PICALM: variants seen among roughly 807,000 people sequenced by gnomAD.
PICALM encodes the protein phosphatidylinositol binding clathrin assembly protein.
PICALM carries 40 observed loss-of-function variants against 80.5 expected under a neutral mutation model. The observed-to-expected ratio is 0.50, with a 90% CI of 0.39 to 0.65. The LOEUF (loss-of-function observed/expected upper bound fraction) is 0.65. PICALM is among the 30% of genes least tolerant of loss of function. The pLI is 0.00. For missense variants in PICALM, 676 were observed against 778.9 expected, an observed-to-expected ratio of 0.87 and a Z score of 1.57; for synonymous variants, 288 against 260.3, an observed-to-expected ratio of 1.11 and a Z score of -1.02.
intron 1 of PICALM, among the ~76,000 whole-genome samples, chr11:86,034,127 A>T (rs1364574092): frequency 1.3e-5 from 2 of 152,192 alleles, no homozygotes; most frequent in Admixed American, 6.5e-5. Context: ...CTTCACACAT[A>T]ATAAAACAGG....
At chr11:86,004,431 G>A (rs2095232510) in intron 8 of PICALM, among the ~76,000 whole-genome samples, 1 of 151,982 alleles carries the variant, frequency 6.6e-6, no homozygotes, top group African/African-American at 2.4e-5. Context: ...TAAGGATTGG[G>A]GAAATAGAAT....
rs2095579147 is a variant in PICALM, at chr11:86,022,356, G to A, written c.452+11C>T. On this transcript the variant is annotated intron_variant, in intron 4 of 19. Coordinates refer to ENST00000393346, the MANE Select transcript of PICALM (RefSeq NM_007166.4). Reference sequence around the variant, plus strand: ...TCAAATCAATTAGATGTCAAAAAAAGCTTAACTCACCCTCTCTTCACTTTT... The same window carrying A: ...TCAAATCAATTAGATGTCAAAAAAAACTTAACTCACCCTCTCTTCACTTTT... 2.1e-6 allele frequency: 3 copies of A among 1,428,724 alleles called. No homozygotes were observed. The highest frequency in any genetic ancestry group is 2.9e-6 in the Non-Finnish European group (3 of 1,035,026). 88.5% of individuals were successfully genotyped at this position (1,428,724 alleles called of 1,614,324 possible).
chr11:86,061,197 T>C (rs1378824239), intron 1 of PICALM, among the ~76,000 whole-genome samples: 1 of 151,222 alleles, frequency 6.6e-6, no homozygotes, highest in East Asian at 1.9e-4. Flanking sequence ...GGCATGATGG[T>C]AGACACCTGT....
chr11:85,995,220 G>A lies in PICALM; in HGVS notation c.1258+1606C>T, dbSNP rs183509075. On this transcript the variant is annotated intron_variant, in intron 12 of 19. Coordinates refer to ENST00000393346, the MANE Select transcript of PICALM (RefSeq NM_007166.4). ...CCAAATATCCTTATATGAAAGTTAA[G>A]ACAGGATTTAATTCTGATTAATTTA... is the stretch of plus-strand genomic sequence containing the variant. Among the ~76,000 whole-genome samples the A allele has an allele frequency of 3.8e-3, 581 of 152,238 alleles. 4 individuals carry two copies. Among genetic ancestry groups the A allele is most frequent in the African/African-American group, 0.013 (553 of 41,542 alleles).
At chr11:86,010,341 T>A (rs2095370379) in intron 7 of PICALM, among the ~76,000 whole-genome samples, 1 of 152,032 alleles carries the variant, frequency 6.6e-6, no homozygotes, top group East Asian at 1.9e-4. Context: ...TTTTTTTTTT[T>A]TTTGAGATAG....
chr11:86,023,691 G>C (rs745509170), intron 3 of PICALM: 30 of 407,210 alleles, frequency 7.4e-5, no homozygotes, highest in Non-Finnish European at 9.9e-5. Context: ...TCTGCATCTT[G>C]TTTTCCATAG....
At chr11:86,044,376 A>G (rs2096030844) in intron 1 of PICALM, among the ~76,000 whole-genome samples, 1 of 152,212 alleles carries the variant, frequency 6.6e-6, no homozygotes, top group African/African-American at 2.4e-5. Flanking sequence ...AAGGCCTCCC[A>G]TTCATTCTAT....
chr11:86,029,910 A>C (rs990402916), intron 2 of PICALM, among the ~76,000 whole-genome samples: 1 of 152,252 alleles, frequency 6.6e-6, no homozygotes, highest in African/African-American at 2.4e-5. Flanking sequence ...AGCAACTAAC[A>C]TAAGTCCTAA....
chr11:86,046,954 T>C (rs77990975), intron 1 of PICALM, among the ~76,000 whole-genome samples: 2 of 152,302 alleles, frequency 1.3e-5, no homozygotes, highest in African/African-American at 2.4e-5. Context: ...TCTTTATACA[T>C]TACAAAATTC....
At chr11:85,967,655 G>T (rs552614110) in intron 19 of PICALM, among the ~76,000 whole-genome samples, 1 of 152,266 alleles carries the variant, frequency 6.6e-6, no homozygotes, top group African/African-American at 2.4e-5. Context: ...CAGCTGGAGA[G>T]ATCGGCTGAC....
intron 1 of PICALM, among the ~76,000 whole-genome samples, chr11:86,059,374 A>G (rs1319254168): frequency 6.6e-6 from 1 of 152,250 alleles, no homozygotes; most frequent in Non-Finnish European, 1.5e-5. Flanking sequence ...TAGCCACTAC[A>G]GTTTAACAAT....
At chr11:85,982,165 C>T (rs1401060022) in intron 14 of PICALM, 162 bp from the exon 15 acceptor site, 27 of 607,688 alleles carry the variant, frequency 4.4e-5, no homozygotes, top group South Asian at 3.2e-4. Flanking sequence ...AGAAAGTCAC[C>T]ACTTCATACT....
chr11:86,056,274 C>A lies in PICALM; in HGVS notation c.130+12377G>T, dbSNP rs1156681028. 2.0e-5 allele frequency among the ~76,000 whole-genome samples: 3 copies of A among 147,206 alleles called. No homozygotes were observed. The Admixed American group carries it at 2.1e-4, about 10-fold the overall frequency. The stretch of plus-strand genomic sequence containing the variant: ...AAAAAATTACAAATCATATAAAGAT[C>A]TAGTATGTGAGGTATGTAAAGTACT... On this transcript the variant is annotated intron_variant, in intron 1 of 19. Coordinates refer to ENST00000393346, the MANE Select transcript of PICALM (RefSeq NM_007166.4).
At chr11:86,063,354 A>C in intron 1 of PICALM, among the ~76,000 whole-genome samples, 1 of 128,294 alleles carries the variant, frequency 7.8e-6, no homozygotes, top group East Asian at 2.2e-4. Context: ...CCAGATATAT[A>C]AAATATTCAG....
chr11:85,964,266 T>A (rs1323500837), intron 19 of PICALM, among the ~76,000 whole-genome samples: 1 of 152,220 alleles, frequency 6.6e-6, no homozygotes, highest in Non-Finnish European at 1.5e-5. Flanking sequence ...TTTTGCCACA[T>A]CTTTACATTT....
intron 17 of PICALM, chr11:85,978,070 G>A (rs372053430): frequency 6.2e-6 from 10 of 1,612,230 alleles, no homozygotes; most frequent in African/African-American, 1.3e-5. Context: ...GGTCACTTAC[G>A]TATTGTGGAA....
chr11:86,025,430 T>C (rs929313066), intron 3 of PICALM, among the ~76,000 whole-genome samples: 5 of 151,952 alleles, frequency 3.3e-5, no homozygotes, highest in African/African-American at 1.2e-4. Context: ...TAGCTACGAA[T>C]ATGAAGGAAC....
chr11:86,001,878 AGTG>A (rs1330356048), intron 9 of PICALM, among the ~76,000 whole-genome samples: 1 of 152,236 alleles, frequency 6.6e-6, no homozygotes, highest in Non-Finnish European at 1.5e-5. Flanking sequence ...AAGTAAAACA[AGTG>A]GTAAAGAATT....
At chr11:85,974,621 G>A (rs1439387630) in intron 19 of PICALM, 87 bp downstream of exon 19, 3 of 865,802 alleles carry the variant, frequency 3.5e-6, no homozygotes, top group Non-Finnish European at 6.0e-6. Context: ...CTAGTAACTT[G>A]TTTCTCAAGT....
Sources: gnomAD v4.1 joint callset for allele counts (sites outside exome capture counted in the v4.1 genomes callset) on GRCh38, gnomAD v4.1.1 for gene constraint, MANE v1.5 for transcripts, NCBI Gene and HGNC (gene_info 2026-07-23, HGNC 2026-07-21) for gene names.